The following PTPN4 variants were observed in gnomAD, a reference collection of about 807,000 sequenced individuals.
PTPN4 encodes the protein tyrosine-protein phosphatase non-receptor type 4.
Under a neutral mutation model 135.5 loss-of-function variants are expected in PTPN4, and 49 were observed. The ratio of observed to expected loss-of-function variants is 0.36; its 90% confidence interval spans 0.29 to 0.46. The LOEUF (loss-of-function observed/expected upper bound fraction) is 0.46, where lower values mean the gene tolerates loss of function less well. Among genes scored for constraint, PTPN4 ranks in the 20% least tolerant of loss-of-function variants. PTPN4 has a pLI of 1.00. For synonymous variants in PTPN4, 333 were observed against 369.9 expected (o/e 0.90, Z 1.14); for missense variants, 860 against 1,101.0 (o/e 0.78, Z 3.10).
chr2:119,966,213 G>A (rs193217975), intron 25 of PTPN4, among the ~76,000 whole-genome samples: 93 of 152,090 alleles, frequency 6.1e-4, no homozygotes, highest in Non-Finnish European at 4.7e-4. Flanking sequence ...TTATATAAGC[G>A]CTTTAATCCC....
chr2:119,786,417 G>C (rs1691048847), intron 1 of PTPN4, among the ~76,000 whole-genome samples: 1 of 152,198 alleles, frequency 6.6e-6, no homozygotes, highest in Admixed American at 6.5e-5. Context: ...TCATGAGTCT[G>C]TAATTTGGGC....
intron 26 of PTPN4, among the ~76,000 whole-genome samples, chr2:119,975,675 A>G (rs1204170939): frequency 3.9e-5 from 6 of 152,192 alleles, no homozygotes; most frequent in Admixed American, 1.3e-4. Context: ...CAGTAAGTCA[A>G]GATTGCGCCA....
At chr2:119,809,663 TTGA>T (rs1353655277) in intron 1 of PTPN4, among the ~76,000 whole-genome samples, 171 bp from the exon 2 acceptor site, 1 of 152,210 alleles carries the variant, frequency 6.6e-6, no homozygotes, top group Non-Finnish European at 1.5e-5. Context: ...TAACTTTAGT[TTGA>T]TGATGAACTA....
intron 1 of PTPN4, among the ~76,000 whole-genome samples, chr2:119,780,605 TTTATTTC>T (rs1225988275): frequency 6.6e-6 from 1 of 152,216 alleles, no homozygotes; most frequent in Non-Finnish European, 1.5e-5. Context: ...TTGTTTTAGT[TTTATTTC>T]ATCACTAGAT....
At chr2:119,887,909 C>A (rs539692204) in intron 9 of PTPN4, among the ~76,000 whole-genome samples, 2 of 151,980 alleles carry the variant, frequency 1.3e-5, no homozygotes, top group Non-Finnish European at 2.9e-5. Context: ...CTATGAAGAA[C>A]GATGTTGGTA....
intron 10 of PTPN4, among the ~76,000 whole-genome samples, chr2:119,911,088 G>A (rs893130098): frequency 2.0e-5 from 3 of 151,970 alleles, no homozygotes; most frequent in Non-Finnish European, 4.4e-5. Context: ...GAATTCTATC[G>A]AACATTTAAA....
chr2:119,779,232 G>T (rs1231491073), intron 1 of PTPN4, among the ~76,000 whole-genome samples: 1 of 152,180 alleles, frequency 6.6e-6, no homozygotes, highest in African/African-American at 2.4e-5. Flanking sequence ...ACCAGCATTT[G>T]AATTTATAAT....
intron 1 of PTPN4, among the ~76,000 whole-genome samples, chr2:119,787,306 A>G (rs1038837156): frequency 6.6e-6 from 1 of 152,208 alleles, no homozygotes; most frequent in Non-Finnish European, 1.5e-5. Flanking sequence ...TCTATATAAT[A>G]CATACTTTTT....
At chr2:119,805,968 C>T (rs987124539) in intron 1 of PTPN4, among the ~76,000 whole-genome samples, 3 of 152,042 alleles carry the variant, frequency 2.0e-5, no homozygotes, top group African/African-American at 7.2e-5. Flanking sequence ...ATTTCATATT[C>T]AGCCAAACTA....
At chr2:119,837,022 G>A (rs1677304987) in intron 2 of PTPN4, among the ~76,000 whole-genome samples, 1 of 152,240 alleles carries the variant, frequency 6.6e-6, no homozygotes, top group Non-Finnish European at 1.5e-5. Context: ...TAAAGGGGAA[G>A]GTTCCCGGTG....
intron 2 of PTPN4, among the ~76,000 whole-genome samples, chr2:119,810,457 C>G (rs1049706763): frequency 6.6e-6 from 1 of 152,140 alleles, no homozygotes; most frequent in Admixed American, 6.6e-5. Context: ...GTTTGCTCAT[C>G]GTTATTTGTG....
At chr2:119,942,519 A>AT (rs1045602297) in intron 15 of PTPN4, among the ~76,000 whole-genome samples, 10 of 151,878 alleles carry the variant, frequency 6.6e-5, no homozygotes, top group African/African-American at 1.2e-4. Flanking sequence ...TTAGTTTTAA[A>AT]TTTTTTTTCT....
chr2:119,858,934 C>G (rs960299460), intron 2 of PTPN4, among the ~76,000 whole-genome samples: 24 of 152,018 alleles, frequency 1.6e-4, no homozygotes, highest in African/African-American at 5.8e-4. Context: ...GCACCCGGCC[C>G]TTTTCTGTGT....
chr2:119,760,899 A>G (rs1690479648), intron 1 of PTPN4, among the ~76,000 whole-genome samples: 1 of 145,014 alleles, frequency 6.9e-6, no homozygotes, highest in Non-Finnish European at 1.5e-5. Context: ...AAAAGTTGAG[A>G]TGTGGGTAAA....
chr2:119,961,674 G>T (rs1373129299), intron 23 of PTPN4, among the ~76,000 whole-genome samples: 1 of 152,182 alleles, frequency 6.6e-6, no homozygotes, highest in Non-Finnish European at 1.5e-5. Flanking sequence ...ATAAAATGTG[G>T]TATAGTCTTA....
chr2:119,809,199 C>T (rs904342998), intron 1 of PTPN4, among the ~76,000 whole-genome samples: 1 of 151,446 alleles, frequency 6.6e-6, no homozygotes, highest in Non-Finnish European at 1.5e-5. Context: ...CATCTAGTAT[C>T]GCTGATATCA....
chr2:119,953,295 T>C (rs1679235302), intron 19 of PTPN4, among the ~76,000 whole-genome samples: 1 of 152,232 alleles, frequency 6.6e-6, no homozygotes, highest in African/African-American at 2.4e-5. Flanking sequence ...ATCATTCGAA[T>C]TCTACTTGTC....
At chr2:119,894,545 T>G (rs756260385) in intron 9 of PTPN4, among the ~76,000 whole-genome samples, 6 of 152,204 alleles carry the variant, frequency 3.9e-5, no homozygotes, top group Non-Finnish European at 8.8e-5. Flanking sequence ...CATACAAACA[T>G]TTTTTTCATC....
chr2:119,934,417 CATAA>C (rs1264328280), intron 14 of PTPN4, among the ~76,000 whole-genome samples: 1 of 152,040 alleles, frequency 6.6e-6, no homozygotes, highest in East Asian at 1.9e-4. Flanking sequence ...AAGAAAGTCC[CATAA>C]ATAAAAACAT....
Sources: allele counts gnomAD v4.1 joint callset (sites outside exome capture counted in the v4.1 genomes callset), GRCh38; gene constraint gnomAD v4.1.1; transcripts MANE v1.5; gene names NCBI Gene and HGNC (gene_info 2026-07-23, HGNC 2026-07-21).